Variants in TULP4 observed in about 807,000 individuals in gnomAD.
TULP4 encodes tubby-related protein 4.
Under a neutral mutation model 129.0 loss-of-function variants are expected in TULP4, and 16 were observed. The observed-to-expected ratio is 0.12, with a 90% confidence interval of 0.08 to 0.19. The LOEUF (loss-of-function observed/expected upper bound fraction) is 0.19, where lower values mean the gene tolerates loss of function less well. Ranked by LOEUF, TULP4 falls within the 10% of genes least tolerant of loss-of-function variation. The pLI is 1.00. For synonymous variants in TULP4, 998 were observed against 854.0 expected (o/e 1.17, Z -2.94); for missense variants, 1,842 against 2,059.1 (o/e 0.89, Z 2.04).
chr6:158,428,451 C>T (rs1778553457), intron 2 of TULP4: 1 of 152,082 alleles, frequency 6.6e-6, no homozygotes, highest in South Asian at 2.1e-4. Context: ...AAAGACAATA[C>T]CTCTAAATTG....
intron 1 of TULP4, chr6:158,237,514 A>C: frequency 6.4e-7 from 1 of 1,557,532 alleles, no homozygotes. Flanking sequence ...TCTGGCATCC[A>C]GTTCAGATGA....
chr6:158,293,126 G>C lies in TULP4; in HGVS notation n.116+10748G>C, dbSNP rs183951590. The stretch of plus-strand genomic sequence containing the variant: ...GCAAGCTCCATTCCCTCCTCTCTCT[G>C]TACAGATAATTACATGTTCATATTC... On this transcript the variant is annotated intron_variant and non_coding_transcript_variant, in intron 1 of 1. Coordinates refer to the TULP4 transcript ENST00000432358. 2.6e-5 allele frequency among the ~76,000 whole-genome samples: 4 copies of C among 152,236 alleles called. No homozygotes were observed. In the East Asian group the frequency reaches 5.8e-4, roughly 22 times the overall value.
At chr6:158,449,476 G>A (rs1163223509) in intron 4 of TULP4, among the ~76,000 whole-genome samples, 1 of 147,052 alleles carries the variant, frequency 6.8e-6, no homozygotes, top group Non-Finnish European at 1.5e-5. Flanking sequence ...CTGAGGTATT[G>A]TGGGGCTTAG....
At chr6:158,439,700 CTTTTTTTTTTT>C (rs71030170) in intron 3 of TULP4, among the ~76,000 whole-genome samples, 1,153 of 68,254 alleles carry the variant, frequency 0.017, 13 homozygotes, top group African/African-American at 0.059. Context: ...ACTAGAGTTT[CTTTTTTTTTTT>C]TTTTTTTTTT....
chr6:158,392,833 G>A (rs1320181594), intron 1 of TULP4, among the ~76,000 whole-genome samples: 3 of 87,768 alleles, frequency 3.4e-5, no homozygotes, highest in African/African-American at 1.6e-4. Flanking sequence ...ATGGAGTCTC[G>A]CTCCATTGCC....
Position 158,493,481 on chromosome 6 carries a change from G to T in TULP4, c.1632-92G>T. 1 of 1,323,968 alleles carries T rather than the reference G, an allele frequency of 7.6e-7. No homozygotes were observed. The highest frequency in any genetic ancestry group is 2.9e-4 in the Middle Eastern group (1 of 3,506). 82.0% of individuals were successfully genotyped at this position (1,323,968 alleles called of 1,614,324 possible). A position where few individuals can be genotyped will look rare whatever the true frequency, so the allele number is the denominator to read the frequency against. ...GGGTGAGAACCCAACACCCAGGCTG[G>T]CTGTCCAGAAAAAGAAAGGACTGCT... On this transcript the variant is annotated intron_variant, in intron 9 of 13. Transcript: ENST00000367097. This position sits in a 1 kb window ranked among gnomAD's most constrained non-coding sequence, Gnocchi z 4.4.
rs1170113900 is a variant in TULP4, at chr6:158,507,709, A to G, written c.*1015A>G. 1.3e-5 allele frequency: 2 copies of G among 152,188 alleles called. No individual in the cohort carries two copies. Among genetic ancestry groups the G allele is most frequent in the Non-Finnish European group, 2.9e-5 (2 of 68,038 alleles). The allele number at this position is 152,188 out of a possible 1,614,324, so 9.4% of individuals were successfully genotyped here. On this transcript the variant is annotated 3_prime_UTR_variant, in exon 14 of 14. Transcript: ENST00000367097. Reference sequence around the variant, plus strand: ...CATTACTGTAAACATGATCTTTCCCATGAGATACCATGTTCTATGCCTTCC... The same window carrying G: ...CATTACTGTAAACATGATCTTTCCCGTGAGATACCATGTTCTATGCCTTCC...
intron 3 of TULP4, among the ~76,000 whole-genome samples, chr6:158,440,755 C>T (rs543702934): frequency 6.6e-6 from 1 of 152,212 alleles, no homozygotes; most frequent in South Asian, 2.1e-4. Flanking sequence ...GGTACTGGTT[C>T]GTTTTTAGTT....
At chr6:158,437,044 G>A (rs1417816494) in intron 3 of TULP4, among the ~76,000 whole-genome samples, 2 of 152,206 alleles carry the variant, frequency 1.3e-5, no homozygotes, top group Non-Finnish European at 2.9e-5. Flanking sequence ...GCTAAGCACT[G>A]TCAGATCATT....
chr6:158,492,147 C>T (rs1583937209), intron 9 of TULP4, among the ~76,000 whole-genome samples: 3 of 152,132 alleles, frequency 2.0e-5, no homozygotes, highest in South Asian at 2.1e-4. Context: ...TGTGAGCCAC[C>T]GCACCCAGCC....
intron 1 of TULP4, among the ~76,000 whole-genome samples, chr6:158,410,440 G>C (rs1234261782): frequency 1.3e-5 from 2 of 152,186 alleles, no homozygotes; most frequent in East Asian, 1.9e-4. Context: ...TTTACAGAGA[G>C]AGTCATAGTG....
chr6:158,482,766 A>G (rs958402108), intron 8 of TULP4, among the ~76,000 whole-genome samples: 1 of 152,112 alleles, frequency 6.6e-6, no homozygotes, highest in Non-Finnish European at 1.5e-5. Context: ...TTGAGATTAA[A>G]TGTTGGCGAT....
chr6:158,427,156 G>T (rs78721712), intron 2 of TULP4, among the ~76,000 whole-genome samples: 1 of 152,256 alleles, frequency 6.6e-6, no homozygotes, highest in East Asian at 1.9e-4. Context: ...AAAAAGGAAT[G>T]AACTACTGAC....
chr6:158,253,439 A>G (rs1223043186), intron 1 of TULP4, among the ~76,000 whole-genome samples: 1 of 152,110 alleles, frequency 6.6e-6, no homozygotes, highest in East Asian at 1.9e-4. Context: ...AAACTAAGAG[A>G]TGGAGAGGGC....
At chr6:158,370,643 A>C (rs1454853011) in intron 1 of TULP4, among the ~76,000 whole-genome samples, 4 of 152,082 alleles carry the variant, frequency 2.6e-5, no homozygotes, top group Admixed American at 6.5e-5. Context: ...TTTACTTGAG[A>C]GGTATTATTA....
chr6:158,248,300 C>T (rs1052797773), intron 1 of TULP4, among the ~76,000 whole-genome samples: 3 of 151,682 alleles, frequency 2.0e-5, no homozygotes, highest in African/African-American at 7.3e-5. Context: ...GACGGAGTCT[C>T]GCTCTGTTGC....
At chr6:158,418,934 A>C (rs1355904966) in intron 2 of TULP4, among the ~76,000 whole-genome samples, 1 of 152,248 alleles carries the variant, frequency 6.6e-6, no homozygotes, top group East Asian at 1.9e-4. Context: ...TTTTAGTACA[A>C]ATCTTTTTTA....
At chr6:158,428,262 CA>C (rs1459308306) in intron 2 of TULP4, 2 of 152,192 alleles carry the variant, frequency 1.3e-5, no homozygotes, top group African/African-American at 2.4e-5. Context: ...TCTGTTTATA[CA>C]AATTCTTCTG....
intron 1 of TULP4, among the ~76,000 whole-genome samples, chr6:158,253,394 G>A (rs951686443): frequency 2.7e-5 from 4 of 147,618 alleles, no homozygotes; most frequent in African/African-American, 1.1e-4. Context: ...CTGCTCTCCT[G>A]TCTCTGCCCT....
Sources: gnomAD v4.1 joint callset for allele counts (sites outside exome capture counted in the v4.1 genomes callset) on GRCh38, gnomAD v4.1.1 for gene constraint, Gnocchi (gnomAD v3.1) non-coding constraint, MANE v1.5 for transcripts, NCBI Gene and HGNC (gene_info 2026-07-23, HGNC 2026-07-21) for gene names.